Variants in IGSF11 observed in about 807,000 individuals in gnomAD.
IGSF11 encodes CXADR like 1.
In IGSF11, 22 loss-of-function variants were observed where a neutral mutation model predicts 41.0. That is an observed-to-expected ratio of 0.54 (90% CI 0.38 to 0.77). The LOEUF (loss-of-function observed/expected upper bound fraction) is 0.77. Among genes scored for constraint, IGSF11 ranks in the 30% least tolerant of loss-of-function variants. The pLI is 0.00. For missense variants in IGSF11, 444 were observed against 530.8 expected (o/e 0.84, Z 1.61); for synonymous variants, 219 against 201.3 (o/e 1.09, Z -0.74).
At chr3:119,035,991 CAT>C (rs1940875329), upstream of IGSF11, among the ~76,000 whole-genome samples, 1 of 152,060 alleles carries the variant, frequency 6.6e-6, no homozygotes, top group East Asian at 1.9e-4. Flanking sequence ...ATTTTTTAAA[CAT>C]ACATTTGGAC....
intron 1 of IGSF11, among the ~76,000 whole-genome samples, chr3:118,985,018 C>T (rs1254220707): frequency 1.3e-5 from 2 of 152,104 alleles, no homozygotes; most frequent in East Asian, 1.9e-4. Context: ...GGAATACATC[C>T]GGACTTTTTC....
Position 118,902,447 on chromosome 3 carries a change from T to TGCCCCCCCCCCCCCCCC in IGSF11, c.*72_*73insGGGGGGGGGGGGGGGGC. 1 of 563,916 alleles carries TGCCCCCCCCCCCCCCCC rather than the reference T, an allele frequency of 1.8e-6. No homozygotes were observed. The highest frequency in any genetic ancestry group is 3.4e-6 in the Non-Finnish European group (1 of 298,020). 34.9% of individuals were successfully genotyped at this position (563,916 alleles called of 1,614,324 possible). On this transcript the variant is annotated 3_prime_UTR_variant, in exon 7 of 7. Transcript: ENST00000393775. The stretch of plus-strand genomic sequence containing the variant: ...TAAGGAAGTGTTTCTTTCCCAGCAC[T>TGCCCCCCCCCCCCCCCC]CCCCACCCCACCCTCCCCCTTGTAT...
At chr3:119,090,688 A>G (rs2076748763) in intron 1 of IGSF11, among the ~76,000 whole-genome samples, 1 of 152,248 alleles carries the variant, frequency 6.6e-6, no homozygotes, top group Admixed American at 6.5e-5. Flanking sequence ...CCATATGCAG[A>G]AGATTAAAGC....
intron 1 of IGSF11, among the ~76,000 whole-genome samples, chr3:118,956,679 T>C (rs9289117): frequency 0.41 from 63,020 of 152,068 alleles, 16,668 homozygotes; most frequent in African/African-American, 0.74. Context: ...TATCAAAGAT[T>C]GCTAATTGCT....
At chr3:119,126,074 T>A (rs1373238972) in intron 1 of IGSF11, among the ~76,000 whole-genome samples, 1 of 152,230 alleles carries the variant, frequency 6.6e-6, no homozygotes, top group African/African-American at 2.4e-5. Flanking sequence ...TTTGAGCTCC[T>A]CGAGGGAGGG....
intron 1 of IGSF11, among the ~76,000 whole-genome samples, chr3:119,139,103 C>T (rs1396459439): frequency 6.6e-6 from 1 of 152,090 alleles, no homozygotes; most frequent in Non-Finnish European, 1.5e-5. Context: ...ACATTGCATA[C>T]TTGTATCAAA....
intron 1 of IGSF11, chr3:118,947,695 G>A (rs1345431249): frequency 6.6e-6 from 1 of 152,142 alleles, no homozygotes; most frequent in African/African-American, 2.4e-5. Context: ...TGTAAAACCA[G>A]AAACAGAACA....
intron 1 of IGSF11, among the ~76,000 whole-genome samples, chr3:119,103,091 G>A (rs533825581): frequency 2.9e-4 from 43 of 147,546 alleles, no homozygotes; most frequent in Admixed American, 1.4e-3. Flanking sequence ...TCCGCCTCCC[G>A]GGTTCATGCC....
chr3:119,047,407 T>C (rs1428603519), intron 1 of IGSF11, among the ~76,000 whole-genome samples: 3 of 152,110 alleles, frequency 2.0e-5, no homozygotes, highest in Non-Finnish European at 4.4e-5. Context: ...AGAAGGCCAT[T>C]ACATAATGGT....
intron 1 of IGSF11, among the ~76,000 whole-genome samples, chr3:119,121,030 T>C (rs2077326591): frequency 2.0e-5 from 3 of 147,102 alleles, no homozygotes; most frequent in Admixed American, 1.3e-4. Context: ...CAGACACAAA[T>C]AAACAACAAG....
chr3:118,954,511 T>C (rs1413421325), intron 1 of IGSF11, among the ~76,000 whole-genome samples: 3 of 152,120 alleles, frequency 2.0e-5, no homozygotes, highest in Non-Finnish European at 4.4e-5. Context: ...TTCTTACAAA[T>C]TTCTGTTAAT....
At chr3:118,940,554 T>C (rs1429613621) in intron 1 of IGSF11, among the ~76,000 whole-genome samples, 1 of 152,088 alleles carries the variant, frequency 6.6e-6, no homozygotes, top group Non-Finnish European at 1.5e-5. Context: ...AGAGACAAAC[T>C]GTGACCATTA....
At chr3:119,098,154 G>A (rs2076885544) in intron 1 of IGSF11, among the ~76,000 whole-genome samples, 1 of 151,704 alleles carries the variant, frequency 6.6e-6, no homozygotes, top group East Asian at 1.9e-4. Context: ...ATAGTACAGT[G>A]ATGAAGTATG....
At chr3:119,109,832 T>A (rs1219751690), upstream of IGSF11, among the ~76,000 whole-genome samples, 1 of 152,252 alleles carries the variant, frequency 6.6e-6, no homozygotes, top group Non-Finnish European at 1.5e-5. Context: ...TATTTCTGCC[T>A]TCCCTTCGTT....
chr3:118,967,162 C>T (rs1945740959), intron 1 of IGSF11, among the ~76,000 whole-genome samples: 1 of 150,234 alleles, frequency 6.7e-6, no homozygotes, highest in South Asian at 2.1e-4. Flanking sequence ...GAATTAATGC[C>T]AAAAAAAACC....
At chr3:119,072,770 T>G (rs2076421496) in intron 1 of IGSF11, among the ~76,000 whole-genome samples, 2 of 152,124 alleles carry the variant, frequency 1.3e-5, no homozygotes, top group African/African-American at 2.4e-5. Context: ...GCAGCAAGAT[T>G]TATTGCAAAG....
chr3:119,144,081 T>C (rs960060530), intron 1 of IGSF11, among the ~76,000 whole-genome samples: 1 of 151,368 alleles, frequency 6.6e-6, no homozygotes, highest in Non-Finnish European at 1.5e-5. Flanking sequence ...AAATAGGGTG[T>C]CACTCTGTGG....
chr3:118,940,654 T>C (rs1293162636), intron 1 of IGSF11, among the ~76,000 whole-genome samples: 1 of 152,070 alleles, frequency 6.6e-6, no homozygotes, highest in Non-Finnish European at 1.5e-5. Context: ...CAGTGAGCTG[T>C]TTTGTATAGA....
At chr3:118,923,080 T>G (rs554971548) in intron 4 of IGSF11, among the ~76,000 whole-genome samples, 133 of 152,284 alleles carry the variant, frequency 8.7e-4, no homozygotes, top group Non-Finnish European at 1.1e-3. Context: ...TTCTCTCAGC[T>G]GACGTGCAAG....
Sources: gnomAD v4.1 joint callset for allele counts (sites outside exome capture counted in the v4.1 genomes callset) on GRCh38, gnomAD v4.1.1 for gene constraint, MANE v1.5 for transcripts, NCBI Gene and HGNC (gene_info 2026-07-23, HGNC 2026-07-21) for gene names.